GNB5: variants seen among roughly 807,000 people sequenced by gnomAD.
GNB5 encodes the protein G protein subunit beta 5.
Under a neutral mutation model 55.3 loss-of-function variants are expected in GNB5, and 37 were observed. The observed-to-expected ratio is 0.67, with a 90% confidence interval of 0.51 to 0.88. The LOEUF is 0.88. Ranked by LOEUF, GNB5 falls within the 40% of genes least tolerant of loss-of-function variation. The pLI, the probability that GNB5 is intolerant of heterozygous loss-of-function variation, is 0.00. For missense variants in GNB5, 476 were observed against 515.3 expected (o/e 0.92, Z 0.74); for synonymous variants, 219 against 198.5 (o/e 1.10, Z -0.87).
intron 3 of GNB5, among the ~76,000 whole-genome samples, chr15:52,174,116 C>T (rs1177498763): frequency 6.6e-6 from 1 of 152,192 alleles, no homozygotes; most frequent in Non-Finnish European, 1.5e-5. Flanking sequence ...ACCACAGAAG[C>T]AGTGCTCAGA....
rs1219117661 is a variant in GNB5, at chr15:52,118,099, TCCA to T, written c.*4655_*4657del. 1 of 152,430 alleles carries T rather than the reference TCCA, an allele frequency of 6.6e-6. No individual in the cohort carries two copies. Among genetic ancestry groups the T allele is most frequent in the Admixed American group, 6.5e-5 (1 of 15,282 alleles). 9.4% of individuals were successfully genotyped at this position (152,430 alleles called of 1,614,324 possible). A position where few individuals can be genotyped will look rare whatever the true frequency, so the allele number is the denominator to read the frequency against. On this transcript the variant is annotated 3_prime_UTR_variant, in exon 13 of 13. Coordinates refer to ENST00000261837, the MANE Select transcript of GNB5 (RefSeq NM_016194.4). ...TTCCGACTGCCTCTCTGGGACTTCC[TCCA>T]CCGACCGGGGCTGTCCCAAAGCCTC...
intron 3 of GNB5, 63 bp downstream of exon 3, chr15:52,179,705 T>A: frequency 1.6e-6 from 1 of 634,152 alleles, no homozygotes; most frequent in Non-Finnish European, 2.3e-6. Flanking sequence ...GCCCCCGCCG[T>A]CCCCGCCCGG....
intron 1 of GNB5, among the ~76,000 whole-genome samples, chr15:52,190,203 C>T (rs1050347928): frequency 6.6e-5 from 10 of 151,308 alleles, no homozygotes; most frequent in African/African-American, 1.9e-4. Flanking sequence ...CTGTAAGCTC[C>T]GCCTCCCAGG....
At chr15:52,171,291 TTAAA>T (rs2034550541) in intron 3 of GNB5, among the ~76,000 whole-genome samples, 1 of 152,082 alleles carries the variant, frequency 6.6e-6, no homozygotes, top group Non-Finnish European at 1.5e-5. Flanking sequence ...GTGCTGAATG[TTAAA>T]ACTGGGCTCA....
At chr15:52,124,675 T>G in intron 11 of GNB5, 36 bp from the exon 12 acceptor site, 1 of 1,573,072 alleles carries the variant, frequency 6.4e-7, no homozygotes, top group Non-Finnish European at 8.7e-7. Context: ...GTTAAGCCAG[T>G]TCCTTGCTTC....
intron 3 of GNB5, among the ~76,000 whole-genome samples, chr15:52,171,446 T>G (rs1478665025): frequency 6.6e-6 from 1 of 152,232 alleles, no homozygotes; most frequent in African/African-American, 2.4e-5. Context: ...TCTTCTATAT[T>G]TCTAGATTTT....
chr15:52,179,810 C>T lies in GNB5; in HGVS notation c.196G>A (p.Gly66Ser), dbSNP rs369522554. Residue 66 changes from glycine to serine, a missense_variant, in exon 3 of 13, where the codon GGC (glycine) becomes AGC (serine). Physicochemically the swap from Gly to Ser is moderately conservative, Grantham distance 56. Transcript: ENST00000261837. The part of the protein sequence containing the change: ...SLKSEAESLK[G>S]KLEEERAKLH... ...TTGGCTCGCTCCTCCTCCAGCTTGC[C>T]CTTGAGGCTCTCGGCCTCGCTCTTC... is the stretch of plus-strand genomic sequence containing the variant. The T allele has an allele frequency of 1.1e-5, 17 of 1,552,922 alleles. No individual in the cohort carries two copies. Among genetic ancestry groups the T allele is most frequent in the Non-Finnish European group, 1.4e-5 (16 of 1,150,982 alleles).
Position 52,126,014 on chromosome 15 carries a change from C to T in GNB5, c.943G>A (p.Glu315Lys), listed in dbSNP as rs1251243303. Residue 315 changes from glutamate (E) to lysine (K), a missense_variant, in exon 11 of 13, where the codon GAG becomes AAG. Glu to Lys is a moderately conservative substitution (Grantham distance 56). Coordinates refer to ENST00000261837, the MANE Select transcript of GNB5 (RefSeq NM_016194.4). ...CTTTCTTTGGAATAGATGGCAACCT[C>T]CCTATCTGCCCGCAGGTCATAGAGG... is the stretch of plus-strand genomic sequence containing the variant. ...CRLYDLRADR[E>K]VAIYSKESII... 1 of 1,583,880 alleles carries T rather than the reference C, an allele frequency of 6.3e-7. No homozygotes were observed. Among genetic ancestry groups the T allele is most frequent in the East Asian group, 2.2e-5 (1 of 44,754 alleles).
rs925004015 is a variant in GNB5, at chr15:52,121,726, T to G, written c.*1031A>C. 2.0e-5 allele frequency: 3 copies of G among 151,534 alleles called. No homozygotes were observed. Among genetic ancestry groups the G allele is most frequent in the Non-Finnish European group, 4.4e-5 (3 of 67,896 alleles). 9.4% of individuals were successfully genotyped at this position (151,534 alleles called of 1,614,324 possible). On this transcript the variant is annotated 3_prime_UTR_variant, in exon 13 of 13. Transcript: ENST00000261837. ...CACGCCATTCTCCTGCCTCAGCCTC[T>G]CCGAGTAGCTGGGACTACAGGCGCC...
intron 9 of GNB5, among the ~76,000 whole-genome samples, chr15:52,132,796 A>T (rs1324387201): frequency 6.6e-6 from 1 of 151,576 alleles, no homozygotes; most frequent in Non-Finnish European, 1.5e-5. Flanking sequence ...TCCCAACTCA[A>T]AACTCTCCAG....
chr15:52,129,994 C>T (rs190126001), intron 9 of GNB5, among the ~76,000 whole-genome samples: 2 of 152,306 alleles, frequency 1.3e-5, no homozygotes, highest in East Asian at 3.9e-4. Flanking sequence ...GCCATGTGAT[C>T]ATGTTCTGGC....
intron 8 of GNB5, among the ~76,000 whole-genome samples, chr15:52,135,110 G>A (rs910735654): frequency 6.6e-6 from 1 of 152,000 alleles, no homozygotes; most frequent in African/African-American, 2.4e-5. Flanking sequence ...TGCACCCTGT[G>A]ATGGGAGGGA....
chr15:52,140,774 G>A (rs2033833323), intron 7 of GNB5, among the ~76,000 whole-genome samples: 2 of 152,168 alleles, frequency 1.3e-5, no homozygotes, highest in African/African-American at 2.4e-5. Context: ...GATGCATGCA[G>A]TGCACAGCTC....
At position 52,117,102 on chromosome 15, in the gene GNB5, A is replaced by ATATATATTTTTTTTT; in HGVS notation, c.*5654_*5655insAAAAAAAAATATATA. ...CCACGCCCAGCTAATATATATATAT[A>ATATATATTTTTTTTT]TTTTTTTTTAGTACAGACAGGGTTT... On this transcript the variant is annotated 3_prime_UTR_variant, in exon 13 of 13. Transcript: ENST00000261837. The ATATATATTTTTTTTT allele has an allele frequency of 1.1e-5, 1 of 87,098 alleles. No homozygotes were observed. The highest frequency in any genetic ancestry group is 6.1e-5 in the African/African-American group (1 of 16,416). The allele number at this position is 87,098 out of a possible 1,614,324, so 5.4% of individuals were successfully genotyped here.
At chr15:52,171,884 T>G (rs1388438986) in intron 3 of GNB5, among the ~76,000 whole-genome samples, 1 of 152,160 alleles carries the variant, frequency 6.6e-6, no homozygotes, top group Non-Finnish European at 1.5e-5. Context: ...TCTATCAAAT[T>G]TAGTCTAGAT....
intron 3 of GNB5, among the ~76,000 whole-genome samples, chr15:52,165,362 C>T (rs934565449): frequency 2.0e-5 from 3 of 152,078 alleles, no homozygotes; most frequent in East Asian, 1.9e-4. Context: ...ATCCAGAGAA[C>T]GCCAGTAAGA....
chr15:52,190,798 AAAAAAAAAAAAAAAAAAAAAC>A (rs2034913743), intron 1 of GNB5, among the ~76,000 whole-genome samples: 1 of 87,350 alleles, frequency 1.1e-5, no homozygotes, highest in African/African-American at 4.7e-5. Context: ...AAAAAAAAAA[AAAAAAAAAAAAAAAAAAAAAC>A]ATAAATGTCA....
intron 6 of GNB5, among the ~76,000 whole-genome samples, chr15:52,146,077 C>T (rs995443525): frequency 6.6e-6 from 1 of 151,690 alleles, no homozygotes; most frequent in African/African-American, 2.4e-5. Context: ...CTGCCTCAGC[C>T]TCCCGAGTAG....
chr15:52,134,795 G>T (rs369006941), intron 8 of GNB5, among the ~76,000 whole-genome samples: 81 of 152,172 alleles, frequency 5.3e-4, no homozygotes, highest in Non-Finnish European at 8.1e-4. Context: ...GCCTCCTGAC[G>T]GAGGTGAGAC....
Sources: gnomAD v4.1 joint callset for allele counts (sites outside exome capture counted in the v4.1 genomes callset) on GRCh38, gnomAD v4.1.1 for gene constraint, MANE v1.5 for transcripts, NCBI Gene and HGNC (gene_info 2026-07-23, HGNC 2026-07-21) for gene names.